TEAD1: variants seen among roughly 807,000 people sequenced by gnomAD.
TEAD1 encodes transcriptional enhancer factor TEF-1.
Under a neutral mutation model 54.9 loss-of-function variants are expected in TEAD1, and 9 were observed. The observed-to-expected ratio is 0.16, with a 90% CI of 0.10 to 0.29. TEAD1 has a LOEUF of 0.29. Ranked by LOEUF, TEAD1 falls within the 10% of genes least tolerant of loss-of-function variation. The pLI is 1.00. For synonymous variants in TEAD1, 200 were observed against 187.8 expected, an observed-to-expected ratio of 1.07 and a Z score of -0.53; for missense variants, 387 against 535.9, an observed-to-expected ratio of 0.72 and a Z score of 2.74.
At chr11:12,870,131 C>T (rs1777744435) in intron 5 of TEAD1, among the ~76,000 whole-genome samples, 1 of 152,202 alleles carries the variant, frequency 6.6e-6, no homozygotes, top group Non-Finnish European at 1.5e-5. Flanking sequence ...GCGCCTGCCT[C>T]AGCCTCCCAA....
intron 3 of TEAD1, among the ~76,000 whole-genome samples, chr11:12,848,355 A>G (rs186329626): frequency 1.3e-5 from 2 of 152,274 alleles, no homozygotes; most frequent in Admixed American, 6.5e-5. Flanking sequence ...ATTCTTCTGT[A>G]TTGTGGATGA....
chr11:12,876,896 C>T (rs906258111), intron 5 of TEAD1, among the ~76,000 whole-genome samples: 4 of 152,100 alleles, frequency 2.6e-5, no homozygotes, highest in African/African-American at 4.8e-5. Flanking sequence ...GATGGACAAG[C>T]GAGGAGCAGG....
At chr11:12,813,788 T>C (rs754834877) in intron 3 of TEAD1, among the ~76,000 whole-genome samples, 1 of 151,996 alleles carries the variant, frequency 6.6e-6, no homozygotes, top group African/African-American at 2.4e-5. Flanking sequence ...TGCCAGGGGG[T>C]GGCGTGCTGA....
At chr11:12,908,183 A>G (rs1948552492) in intron 10 of TEAD1, among the ~76,000 whole-genome samples, 1 of 152,124 alleles carries the variant, frequency 6.6e-6, no homozygotes. Context: ...TTCATATGCA[A>G]ACCAACCAGT....
At chr11:12,745,328 CCT>C (rs1191514354) in intron 2 of TEAD1, among the ~76,000 whole-genome samples, 1 of 152,138 alleles carries the variant, frequency 6.6e-6, no homozygotes, top group Admixed American at 6.5e-5. Flanking sequence ...TGAATGAGAT[CCT>C]CTCTTCTGGA....
intron 2 of TEAD1, among the ~76,000 whole-genome samples, chr11:12,708,124 G>T (rs1213730054): frequency 2.0e-5 from 3 of 151,488 alleles, no homozygotes; most frequent in South Asian, 2.1e-4. Context: ...TCCAGCAGCT[G>T]CTCACTCACA....
chr11:12,750,987 T>G (rs1944858270), intron 2 of TEAD1, among the ~76,000 whole-genome samples: 1 of 152,206 alleles, frequency 6.6e-6, no homozygotes, highest in African/African-American at 2.4e-5. Flanking sequence ...AGTTGCCATG[T>G]GCTAGGCATT....
At chr11:12,854,381 G>A (rs964094788) in intron 3 of TEAD1, among the ~76,000 whole-genome samples, 3 of 152,134 alleles carry the variant, frequency 2.0e-5, no homozygotes, top group Admixed American at 6.5e-5. Context: ...CTGGGCTCCT[G>A]TGGACTTCTC....
At chr11:12,902,461 T>C (rs976104420) in intron 10 of TEAD1, among the ~76,000 whole-genome samples, 4 of 152,236 alleles carry the variant, frequency 2.6e-5, no homozygotes, top group African/African-American at 9.6e-5. Context: ...TTGCCCAGTG[T>C]ATACTTCATT....
chr11:12,909,902 C>G (rs924017906), intron 10 of TEAD1, among the ~76,000 whole-genome samples: 1 of 152,106 alleles, frequency 6.6e-6, no homozygotes, highest in Non-Finnish European at 1.5e-5. Flanking sequence ...AGTTTTGGAA[C>G]CAGATTTTTT....
intron 2 of TEAD1, among the ~76,000 whole-genome samples, chr11:12,755,652 T>A (rs1266464607): frequency 6.6e-6 from 1 of 152,220 alleles, no homozygotes; most frequent in East Asian, 1.9e-4. Flanking sequence ...CTTCTGTTTC[T>A]GGGGTTGAAA....
chr11:12,675,671 C>G (rs888176231), intron 2 of TEAD1, 110 bp downstream of exon 2: 21 of 152,178 alleles, frequency 1.4e-4, no homozygotes, highest in Admixed American at 7.9e-4. Flanking sequence ...CACTTGTTTT[C>G]AAAAGTCCAG....
intron 11 of TEAD1, 97 bp downstream of exon 11, chr11:12,925,149 C>T: frequency 7.2e-7 from 1 of 1,392,842 alleles, no homozygotes; most frequent in South Asian, 1.2e-5. Context: ...TTTTGGATGT[C>T]TGCTTCTTAC....
chr11:12,880,899 G>A (rs1273960640), intron 6 of TEAD1, 106 bp from the exon 7 acceptor site: 1 of 1,262,098 alleles, frequency 7.9e-7, no homozygotes, highest in East Asian at 2.3e-5. Context: ...ATTCTGTTGG[G>A]TGATCGAACC....
chr11:12,881,309 A>G lies in TEAD1; in HGVS notation c.512+258A>G, dbSNP rs1349836488. Among the ~76,000 whole-genome samples, 1 of 151,904 alleles carries G rather than the reference A, an allele frequency of 6.6e-6. No individual in the cohort carries two copies. Among genetic ancestry groups the G allele is most frequent in the Non-Finnish European group, 1.5e-5 (1 of 67,986 alleles). ...TCATCCAGCTGGAAGCAAGAAGTGGACCCCTCTTCCTTCATGGTATTGAAG... is the reference window on the plus strand; with the variant it reads ...TCATCCAGCTGGAAGCAAGAAGTGGGCCCCTCTTCCTTCATGGTATTGAAG... On this transcript the variant is annotated intron_variant, in intron 7 of 12. Transcript: ENST00000527636.
intron 2 of TEAD1, among the ~76,000 whole-genome samples, chr11:12,754,379 G>A (rs759132958): frequency 6.6e-6 from 1 of 152,202 alleles, no homozygotes; most frequent in African/African-American, 2.4e-5. Flanking sequence ...AAATATCCAT[G>A]TGTGATTTGG....
At chr11:12,760,505 G>T (rs1236872773) in intron 2 of TEAD1, among the ~76,000 whole-genome samples, 3 of 152,034 alleles carry the variant, frequency 2.0e-5, no homozygotes. Context: ...CCAGTACTGT[G>T]TTCTTTATTT....
At chr11:12,884,832 C>G (rs1948053808) in intron 9 of TEAD1, among the ~76,000 whole-genome samples, 1 of 152,148 alleles carries the variant, frequency 6.6e-6, no homozygotes, top group Admixed American at 6.5e-5. Context: ...TTAAATCCGT[C>G]TAGGTGGAAG....
At chr11:12,836,254 A>G (rs1383743135) in intron 3 of TEAD1, among the ~76,000 whole-genome samples, 2 of 152,000 alleles carry the variant, frequency 1.3e-5, no homozygotes, top group South Asian at 2.1e-4. Context: ...CCCTGTCTCT[A>G]CTAAAAATAC....
Sources: allele counts gnomAD v4.1 joint callset (sites outside exome capture counted in the v4.1 genomes callset), GRCh38; gene constraint gnomAD v4.1.1; transcripts MANE v1.5; gene names NCBI Gene and HGNC (gene_info 2026-07-23, HGNC 2026-07-21).